The following PDE8A variants were observed in gnomAD, a reference collection of about 807,000 sequenced individuals.
The protein encoded by PDE8A is high affinity cAMP-specific and IBMX-insensitive 3',5'-cyclic phosphodiesterase 8A.
PDE8A carries 59 observed loss-of-function variants against 105.0 expected under a neutral mutation model. That is an observed-to-expected ratio of 0.56 (90% CI 0.46 to 0.70). The LOEUF is 0.70. Among genes scored for constraint, PDE8A ranks in the 30% least tolerant of loss-of-function variants. The pLI is 0.00. For synonymous variants in PDE8A, 355 were observed against 371.9 expected (o/e 0.95, Z 0.52); for missense variants, 1,014 against 1,045.9 (o/e 0.97, Z 0.42).
At chr15:85,066,595 C>A (rs2081230629) in intron 2 of PDE8A, among the ~76,000 whole-genome samples, 1 of 39,368 alleles carries the variant, frequency 2.5e-5, no homozygotes, top group Non-Finnish European at 5.0e-5. Flanking sequence ...CACACACACA[C>A]ACACACACAC....
intron 2 of PDE8A, among the ~76,000 whole-genome samples, chr15:85,065,354 G>T: frequency 9.7e-6 from 1 of 102,628 alleles, no homozygotes; most frequent in Non-Finnish European, 1.9e-5. Context: ...AGGGGGGAGG[G>T]ATAGCATTGG....
intron 7 of PDE8A, among the ~76,000 whole-genome samples, chr15:85,090,407 T>C (rs1357530935): frequency 6.6e-6 from 1 of 152,222 alleles, no homozygotes; most frequent in Non-Finnish European, 1.5e-5. Flanking sequence ...TTTATCATCA[T>C]CATCATTAGC....
intron 1 of PDE8A, among the ~76,000 whole-genome samples, chr15:85,025,391 C>T (rs892968276): frequency 2.6e-5 from 4 of 151,362 alleles, no homozygotes; most frequent in Non-Finnish European, 5.9e-5. Flanking sequence ...CCTGGGAGTC[C>T]TGTCCTATTC....
chr15:85,005,151 G>T (rs1444932918), intron 1 of PDE8A, among the ~76,000 whole-genome samples: 2 of 151,890 alleles, frequency 1.3e-5, no homozygotes, highest in Non-Finnish European at 2.9e-5. Context: ...TTTGAAACAG[G>T]GTCTTGCTGT....
At chr15:85,034,074 T>G (rs2080662107) in intron 1 of PDE8A, among the ~76,000 whole-genome samples, 1 of 152,134 alleles carries the variant, frequency 6.6e-6, no homozygotes, top group South Asian at 2.1e-4. Context: ...ATTTTAAATG[T>G]AAAGAATCAT....
chr15:85,066,009 CT>C (rs1307995908), intron 2 of PDE8A, among the ~76,000 whole-genome samples: 1 of 136,120 alleles, frequency 7.3e-6, no homozygotes, highest in Non-Finnish European at 1.5e-5. Context: ...TTAAATCTTT[CT>C]TCTTTTAATC....
At chr15:85,101,346 C>A (rs1175511096) in intron 11 of PDE8A, among the ~76,000 whole-genome samples, 2 of 152,132 alleles carry the variant, frequency 1.3e-5, no homozygotes, top group African/African-American at 4.8e-5. Flanking sequence ...GGGTAGTCTT[C>A]TAGACAGGGA....
chr15:85,056,707 C>T (rs544732201), intron 1 of PDE8A, among the ~76,000 whole-genome samples: 60 of 152,220 alleles, frequency 3.9e-4, no homozygotes, highest in Non-Finnish European at 5.7e-4. Flanking sequence ...GTTAGCCATT[C>T]GTCTAATATT....
At position 85,040,562 on chromosome 15, in the gene PDE8A, A is replaced by ATTTT. The variant is rs535874533; in HGVS notation, c.187-23795_187-23792dup. The stretch of plus-strand genomic sequence containing the variant: ...AGTATATATTGTTATGTGCTTATGT[A>ATTTT]TTTTTTTTTTTTTTTTGAGACGGAG... On this transcript the variant is annotated intron_variant, in intron 1 of 21. Coordinates refer to ENST00000394553, the MANE Select transcript of PDE8A (RefSeq NM_002605.3). 1.7e-4 allele frequency among the ~76,000 whole-genome samples: 23 copies of ATTTT among 132,932 alleles called. 1 individual carries two copies. The highest frequency in any genetic ancestry group is 5.7e-4 in the African/African-American group (20 of 35,338). 87.2% of individuals were successfully genotyped at this position (132,932 alleles called of 152,430 possible).
rs1446606505 is a variant in PDE8A, at chr15:85,109,225, C to T, written c.1114+95C>T. The T allele has an allele frequency of 1.3e-5, 10 of 750,494 alleles. No homozygotes were observed. In the Admixed American group the frequency reaches 2.5e-4, roughly 19 times the overall value. The allele number at this position is 750,494 out of a possible 1,614,324, so 46.5% of individuals were successfully genotyped here. ...TTGCCCAGGCTCATCCTGTCTACCT[C>T]CAATTCTTGGGAGAGGAGGGAACCC... On this transcript the variant is annotated intron_variant, in intron 12 of 21. Coordinates refer to ENST00000394553, the MANE Select transcript of PDE8A (RefSeq NM_002605.3).
At chr15:85,109,157 A>T in intron 12 of PDE8A, 27 bp downstream of exon 12, 1 of 1,502,170 alleles carries the variant, frequency 6.7e-7, no homozygotes, top group Non-Finnish European at 9.3e-7. Context: ...AGAGAAAAAA[A>T]TGTGATCAAA....
intron 1 of PDE8A, among the ~76,000 whole-genome samples, chr15:85,006,150 C>G (rs753602698): frequency 6.6e-6 from 1 of 152,032 alleles, no homozygotes; most frequent in African/African-American, 2.4e-5. Context: ...CATTAGGAGA[C>G]ATACCTAATG....
intron 1 of PDE8A, among the ~76,000 whole-genome samples, chr15:85,058,840 A>G (rs1717610330): frequency 6.6e-6 from 1 of 152,112 alleles, no homozygotes; most frequent in Non-Finnish European, 1.5e-5. Flanking sequence ...GATCATTTCA[A>G]AGAACCAGCT....
At chr15:84,983,044 T>C (rs901342931) in intron 1 of PDE8A, among the ~76,000 whole-genome samples, 1 of 152,240 alleles carries the variant, frequency 6.6e-6, no homozygotes, top group African/African-American at 2.4e-5. Flanking sequence ...GACTGGGGTT[T>C]TTTGTTTTTT....
intron 1 of PDE8A, among the ~76,000 whole-genome samples, chr15:85,029,803 T>TA (rs2080581798): frequency 6.6e-6 from 1 of 152,292 alleles, no homozygotes; most frequent in East Asian, 1.9e-4. Context: ...CATTCAGAAC[T>TA]AAAAAGCAAC....
chr15:85,091,325 C>T, intron 8 of PDE8A, 144 bp downstream of exon 8: 1 of 633,510 alleles, frequency 1.6e-6, no homozygotes, highest in East Asian at 3.0e-5. Context: ...CCTGTTATAT[C>T]CATTTTGCAG....
rs536755894 is a variant in PDE8A, at chr15:85,037,324, C to T, written c.187-27046C>T. 3.3e-5 allele frequency among the ~76,000 whole-genome samples: 5 copies of T among 152,266 alleles called. No homozygotes were observed. In the East Asian group the frequency reaches 7.7e-4, roughly 23 times the overall value. On this transcript the variant is annotated intron_variant, in intron 1 of 21. Coordinates refer to ENST00000394553, the MANE Select transcript of PDE8A (RefSeq NM_002605.3). Reference sequence around the variant, plus strand: ...AGGTGATCTGCCCGCCTCTGCCTCCCGAAGTGCTGGGATTACAGGCGTGAG... The same window carrying T: ...AGGTGATCTGCCCGCCTCTGCCTCCTGAAGTGCTGGGATTACAGGCGTGAG...
Position 85,016,950 on chromosome 15 carries a change from C to CT in PDE8A, c.186+34616dup, listed in dbSNP as rs769768560. Among the ~76,000 whole-genome samples the CT allele has an allele frequency of 9.9e-3, 1,397 of 141,454 alleles. 10 individuals carry two copies. Among genetic ancestry groups the CT allele is most frequent in the East Asian group, 0.05 (250 of 4,954 alleles). The allele number at this position is 141,454 out of a possible 152,430, so 92.8% of individuals were successfully genotyped here. On this transcript the variant is annotated intron_variant, in intron 1 of 21. Transcript: ENST00000394553. Reference sequence around the variant, plus strand: ...CCATTATGTTTCTAACTGAATTTCCCTTTTTTTTTTTTTTAATAAATGAAG... The same window carrying CT: ...CCATTATGTTTCTAACTGAATTTCCCTTTTTTTTTTTTTTTAATAAATGAAG...
At chr15:85,019,949 T>TG (rs2080395834) in intron 1 of PDE8A, among the ~76,000 whole-genome samples, 1 of 138,036 alleles carries the variant, frequency 7.2e-6, no homozygotes, top group Non-Finnish European at 1.6e-5. Context: ...TTTGGTTTTT[T>TG]TTTTTTTTTT....
Sources: allele counts gnomAD v4.1 joint callset (sites outside exome capture counted in the v4.1 genomes callset), GRCh38; gene constraint gnomAD v4.1.1; transcripts MANE v1.5; gene names NCBI Gene and HGNC (gene_info 2026-07-23, HGNC 2026-07-21).